Variants in OR10H1 observed in about 807,000 individuals in gnomAD.
OR10H1 encodes the protein olfactory receptor family 10 subfamily H member 1, also known as olfactory receptor 10H1.
OR10H1 carries 12 observed loss-of-function variants against 13.1 expected under a neutral mutation model. The observed-to-expected ratio is 0.92, with a 90% CI of 0.59 to 1.48. OR10H1 has a LOEUF of 1.48. OR10H1 is among the 40% of genes most tolerant of loss of function. The probability of loss-of-function intolerance (pLI) is 0.00; values close to 1 mark genes in which losing one functional copy is unlikely to be tolerated. For synonymous variants in OR10H1, 168 were observed against 175.6 expected, an observed-to-expected ratio of 0.96 and a Z score of 0.34; for missense variants, 363 against 413.1, an observed-to-expected ratio of 0.88 and a Z score of 1.05.
intron 1 of OR10H1, among the ~76,000 whole-genome samples, chr19:15,813,672 G>A (rs907832046): frequency 6.9e-6 from 1 of 145,136 alleles, no homozygotes; most frequent in Admixed American, 6.9e-5. Context: ...AGAGTGGGAG[G>A]TGGGGGGAGA....
intron 1 of OR10H1, among the ~76,000 whole-genome samples, 176 bp from the exon 2 acceptor site, chr19:15,813,054 T>C (rs1357056011): frequency 6.6e-6 from 1 of 151,580 alleles, no homozygotes; most frequent in South Asian, 2.1e-4. Context: ...ACCCAGAGAA[T>C]GTACAGCCCC....
At chr19:15,812,120 G>A (rs113902149) in intron 2 of OR10H1, 110 bp downstream of exon 2, 1,875 of 152,352 alleles carry the variant, frequency 0.012, 18 homozygotes, top group Non-Finnish European at 0.021. Flanking sequence ...TGAAACCCAC[G>A]ACACATCACT....
intron 1 of OR10H1, among the ~76,000 whole-genome samples, chr19:15,813,752 A>G (rs1158267008): frequency 7.1e-6 from 1 of 141,466 alleles, no homozygotes; most frequent in Admixed American, 7.0e-5. Context: ...AGAGACACAG[A>G]GAGTGTGGGA....
In OR10H1 at chr19:15,806,115, T is replaced by A. The variant is rs754545055; in HGVS notation, c.*966A>T. On this transcript the variant is annotated 3_prime_UTR_variant, in exon 4 of 4. Transcript: ENST00000641419. ...CACTCATAGAGAGTGGGGCATGAAA[T>A]CTTCCCTCTCTCTTTGCATTGCTGG... is the stretch of plus-strand genomic sequence containing the variant. 1 of 152,170 alleles carries A rather than the reference T, an allele frequency of 6.6e-6. No homozygotes were observed. Among genetic ancestry groups the A allele is most frequent in the Non-Finnish European group, 1.5e-5 (1 of 68,026 alleles). 9.4% of individuals were successfully genotyped at this position (152,170 alleles called of 1,614,324 possible).
At position 15,806,797 on chromosome 19, in the gene OR10H1, A is replaced by G; in HGVS notation, c.*284T>C. 1 of 372,832 alleles carries G rather than the reference A, an allele frequency of 2.7e-6. No individual in the cohort carries two copies. Among genetic ancestry groups the G allele is most frequent in the South Asian group, 2.8e-5 (1 of 35,678 alleles). 23.1% of individuals were successfully genotyped at this position (372,832 alleles called of 1,614,324 possible). A position where few individuals can be genotyped will look rare whatever the true frequency, so the allele number is the denominator to read the frequency against. ...GGCTGGAGTGCAGTGGTGTGATCTC[A>G]GCTCACTGCAACCTCCACCTACCGG... On this transcript the variant is annotated 3_prime_UTR_variant, in exon 4 of 4. Coordinates refer to ENST00000641419, the MANE Select transcript of OR10H1 (RefSeq NM_013940.4).
At chr19:15,808,110 C>T in intron 3 of OR10H1, 62 bp from the exon 4 acceptor site, 3 of 1,398,882 alleles carry the variant, frequency 2.1e-6, no homozygotes, top group Non-Finnish European at 3.0e-6. Context: ...TCAGCCTTCC[C>T]CATACCTGGA....
In OR10H1 at chr19:15,812,352, T is replaced by TGG. The variant is rs2088936707; in HGVS notation, c.-253_-252dup. The TGG allele has an allele frequency of 7.7e-6, 1 of 130,466 alleles. No individual in the cohort carries two copies. Among genetic ancestry groups the TGG allele is most frequent in the African/African-American group, 3.0e-5 (1 of 33,222 alleles). 8.1% of individuals were successfully genotyped at this position (130,466 alleles called of 1,614,324 possible). A position where few individuals can be genotyped will look rare whatever the true frequency, so the allele number is the denominator to read the frequency against. Reference sequence around the variant, plus strand: ...ATCGACAGCGAGTGAGTGAACAAGGTGGGGGGAGAGAGAGAGAGAGAAAAG... The same window carrying TGG: ...ATCGACAGCGAGTGAGTGAACAAGGTGGGGGGGGAGAGAGAGAGAGAGAAAAG... On this transcript the variant is annotated 5_prime_UTR_variant, in exon 2 of 4. It introduces an in-frame stop codon into an upstream open reading frame of the 5' UTR. Coordinates refer to ENST00000641419, the MANE Select transcript of OR10H1 (RefSeq NM_013940.4).
intron 3 of OR10H1, 174 bp from the exon 4 acceptor site, chr19:15,808,222 T>A: frequency 1.7e-6 from 1 of 605,492 alleles, no homozygotes; most frequent in Non-Finnish European, 2.9e-6. Flanking sequence ...CGGTACTATT[T>A]TTTCAACCCC....
chr19:15,811,217 C>A (rs1320744075), intron 2 of OR10H1, among the ~76,000 whole-genome samples: 2 of 152,136 alleles, frequency 1.3e-5, no homozygotes, highest in African/African-American at 4.8e-5. Flanking sequence ...ACAGCACCAC[C>A]ATGTCCCGCC....
intron 2 of OR10H1, 39 bp downstream of exon 2, chr19:15,812,191 C>T (rs958880109): frequency 6.6e-6 from 1 of 152,202 alleles, no homozygotes; most frequent in Non-Finnish European, 1.5e-5. Context: ...TCTGATTGAT[C>T]TCAAAGCCTG....
At chr19:15,815,013 G>A (rs577029507) in intron 1 of OR10H1, among the ~76,000 whole-genome samples, 2 of 152,200 alleles carry the variant, frequency 1.3e-5, no homozygotes, top group South Asian at 4.1e-4. Context: ...CCCATCCAAG[G>A]GACCTACCTC....
At chr19:15,813,870 AAG>A (rs2088948910) in intron 1 of OR10H1, among the ~76,000 whole-genome samples, 1 of 151,384 alleles carries the variant, frequency 6.6e-6, no homozygotes, top group Non-Finnish European at 1.5e-5. Context: ...AGAGAGAGGA[AAG>A]AGAGGTAGGG....
At chr19:15,808,568 A>G (rs2088916402) in intron 3 of OR10H1, among the ~76,000 whole-genome samples, 157 bp downstream of exon 3, 1 of 152,134 alleles carries the variant, frequency 6.6e-6, no homozygotes, top group Non-Finnish European at 1.5e-5. Flanking sequence ...AAAGAAGAAA[A>G]TGGCCGGGCA....
At chr19:15,808,108 C>G (rs2088913966) in intron 3 of OR10H1, 60 bp from the exon 4 acceptor site, 4 of 1,407,850 alleles carry the variant, frequency 2.8e-6, no homozygotes, top group Non-Finnish European at 3.9e-6. Flanking sequence ...TCTCAGCCTT[C>G]CCCATACCTG....
intron 3 of OR10H1, among the ~76,000 whole-genome samples, 188 bp downstream of exon 3, chr19:15,808,537 G>A (rs995422933): frequency 1.3e-5 from 2 of 152,128 alleles, no homozygotes; most frequent in African/African-American, 4.8e-5. Context: ...GGGTGACAGA[G>A]CTAGACTCTA....
chr19:15,811,150 G>A (rs905527790), intron 2 of OR10H1, among the ~76,000 whole-genome samples: 18 of 152,170 alleles, frequency 1.2e-4, no homozygotes, highest in African/African-American at 3.4e-4. Context: ...AATCACTCTC[G>A]TTTTGCCCCA....
intron 1 of OR10H1, among the ~76,000 whole-genome samples, chr19:15,814,035 C>T (rs373064594): frequency 3.9e-5 from 6 of 152,076 alleles, no homozygotes; most frequent in African/African-American, 1.4e-4. Context: ...ACAAGTCCTG[C>T]CACAGACATC....
chr19:15,812,926 G>C (rs1568454744), intron 1 of OR10H1, 48 bp from the exon 2 acceptor site: 1 of 152,074 alleles, frequency 6.6e-6, no homozygotes, highest in Non-Finnish European at 1.5e-5. Flanking sequence ...GTGGCTTCCA[G>C]GGGACCAGTG....
Position 15,812,897 on chromosome 19 carries a change from T to C in OR10H1, c.-777-19A>G, listed in dbSNP as rs1281283439. 6.6e-6 allele frequency: 1 copy of C among 151,430 alleles called. No individual in the cohort carries two copies. Among genetic ancestry groups the C allele is most frequent in the Non-Finnish European group, 1.5e-5 (1 of 67,890 alleles). 9.4% of individuals were successfully genotyped at this position (151,430 alleles called of 1,614,324 possible). ...AGTCATTCTGGAAAAATCAAAACCA[T>C]GGAGACAGCAAAAGATCAGTGGCTT... is the stretch of plus-strand genomic sequence containing the variant. On this transcript the variant is annotated intron_variant, in intron 1 of 3. Transcript: ENST00000641419.
Sources: gnomAD v4.1 joint callset for allele counts (sites outside exome capture counted in the v4.1 genomes callset) on GRCh38, gnomAD v4.1.1 for gene constraint, MANE v1.5 for transcripts, NCBI Gene and HGNC (gene_info 2026-07-23, HGNC 2026-07-21) for gene names.